TMEM86A: variants seen among roughly 807,000 people sequenced by gnomAD.
TMEM86A encodes transmembrane protein 86A.
TMEM86A carries 13 observed loss-of-function variants against 19.8 expected under a neutral mutation model. The observed-to-expected ratio is 0.66, with a 90% CI of 0.43 to 1.04. The LOEUF is 1.04. Among genes scored for constraint, TMEM86A ranks in the 50% least tolerant of loss-of-function variants. TMEM86A has a pLI of 0.00. For synonymous variants in TMEM86A, 128 were observed against 129.9 expected (o/e 0.99, Z 0.10); for missense variants, 248 against 306.8 (o/e 0.81, Z 1.43).
chr11:18,700,302 A>G (rs991780096), intron 1 of TMEM86A, among the ~76,000 whole-genome samples: 5 of 151,950 alleles, frequency 3.3e-5, no homozygotes, highest in South Asian at 2.1e-4. Context: ...TTGAAGGACA[A>G]TTTTCTTGCT....
rs1564862796 is a variant in TMEM86A, at chr11:18,699,266, G to C, written c.21+359G>C. Among the ~76,000 whole-genome samples, 1 of 152,240 alleles carries C rather than the reference G, an allele frequency of 6.6e-6. No individual in the cohort carries two copies. ...CCGCGTAGGCGGACCACAGGGAGGCGTGGGGGCGGGGGATGCTGGGAGGAT... is the reference window on the plus strand; with the variant it reads ...CCGCGTAGGCGGACCACAGGGAGGCCTGGGGGCGGGGGATGCTGGGAGGAT... On this transcript the variant is annotated intron_variant, in intron 1 of 2. Transcript: ENST00000280734. The surrounding 1 kb of genome is among the most constrained non-coding windows in gnomAD (Gnocchi z 4.0).
intron 1 of TMEM86A, chr11:18,700,678 A>C: frequency 5.4e-6 from 3 of 558,186 alleles, no homozygotes; most frequent in Non-Finnish European, 3.2e-6. Context: ...GGGGGCAGGA[A>C]GGGAGAAGCA....
chr11:18,701,451 A>T lies in TMEM86A; in HGVS notation c.287-122A>T. On this transcript the variant is annotated intron_variant, in intron 2 of 2. Transcript: ENST00000280734. This position sits in a 1 kb window ranked among gnomAD's most constrained non-coding sequence, Gnocchi z 5.3. ...AGATCTTCCTACCCCTGTTATCCCA[A>T]AGCAAAGCTGCTGGGTTATCCCAAA... 1 of 1,202,820 alleles carries T rather than the reference A, an allele frequency of 8.3e-7. No homozygotes were observed. Among genetic ancestry groups the T allele is most frequent in the South Asian group, 1.5e-5 (1 of 66,124 alleles). The allele number at this position is 1,202,820 out of a possible 1,614,324, so 74.5% of individuals were successfully genotyped here. A position where few individuals can be genotyped will look rare whatever the true frequency, so the allele number is the denominator to read the frequency against.
Position 18,698,875 on chromosome 11 carries a change from G to A in TMEM86A, c.-12G>A, listed in dbSNP as rs1466896719. 3.0e-6 allele frequency: 2 copies of A among 676,446 alleles called. No homozygotes were observed. Among genetic ancestry groups the A allele is most frequent in the Non-Finnish European group, 5.3e-6 (2 of 378,044 alleles). 41.9% of individuals were successfully genotyped at this position (676,446 alleles called of 1,614,324 possible). ...AGCCCGGAGCAGGGTGCCAGCCGCCGCCGCCGCCGCCATGGTGTCCCCGGT... is the reference window on the plus strand; with the variant it reads ...AGCCCGGAGCAGGGTGCCAGCCGCCACCGCCGCCGCCATGGTGTCCCCGGT... On this transcript the variant is annotated 5_prime_UTR_variant, in exon 1 of 3. Transcript: ENST00000280734.
Position 18,701,664 on chromosome 11 carries a change from G to A in TMEM86A, c.378G>A (p.Ala126=), listed in dbSNP as rs146633157. Residue 126 remains alanine (A), a synonymous_variant, in exon 3 of 3, where the codon GCG becomes GCA. Coordinates refer to ENST00000280734, the MANE Select transcript of TMEM86A (RefSeq NM_153347.3). This position sits in a 1 kb window ranked among gnomAD's most constrained non-coding sequence, Gnocchi z 5.3. ...LALRTGLVMA[A]LSGLCYALLY... ...TTCGGACAGGTCTGGTGATGGCAGC[G>A]CTGTCGGGCCTGTGCTATGCCCTCC... 1.4e-5 allele frequency: 23 copies of A among 1,611,166 alleles called. No homozygotes were observed. The highest frequency in any genetic ancestry group is 6.7e-5 in the East Asian group (3 of 44,794).
In TMEM86A at chr11:18,698,781, T is replaced by C; in HGVS notation, c.-106T>C. ...CCGGCGCCGGGCGCTCGGGAGGTATTGTCCGTCCCTCCGGGCTTTGTAGAA... is the reference window on the plus strand; with the variant it reads ...CCGGCGCCGGGCGCTCGGGAGGTATCGTCCGTCCCTCCGGGCTTTGTAGAA... On this transcript the variant is annotated 5_prime_UTR_variant, in exon 1 of 3. Coordinates refer to ENST00000280734, the MANE Select transcript of TMEM86A (RefSeq NM_153347.3). 3 of 632,482 alleles carry C rather than the reference T, an allele frequency of 4.7e-6. No individual in the cohort carries two copies. Among genetic ancestry groups the C allele is most frequent in the Non-Finnish European group, 5.7e-6 (2 of 352,726 alleles). 39.2% of individuals were successfully genotyped at this position (632,482 alleles called of 1,614,324 possible).
chr11:18,704,602 G>A lies in TMEM86A; in HGVS notation c.*2593G>A. ...CTGGCGACCAGGGAAATTCCAAACTGCTGGACTTCCTATGCAGGAAACCAG... is the reference window on the plus strand; with the variant it reads ...CTGGCGACCAGGGAAATTCCAAACTACTGGACTTCCTATGCAGGAAACCAG... On this transcript the variant is annotated 3_prime_UTR_variant, in exon 3 of 3. Transcript: ENST00000280734. 3 of 1,045,482 alleles carry A rather than the reference G, an allele frequency of 2.9e-6. No individual in the cohort carries two copies. The highest frequency in any genetic ancestry group is 4.3e-6 in the Non-Finnish European group (3 of 694,788). The allele number at this position is 1,045,482 out of a possible 1,614,324, so 64.8% of individuals were successfully genotyped here.
At chr11:18,700,528 C>A (rs117101196) in intron 1 of TMEM86A, 3 of 234,826 alleles carry the variant, frequency 1.3e-5, no homozygotes, top group African/African-American at 2.2e-5. Flanking sequence ...TGCACCCTGG[C>A]CCCATGCTGA....
Position 18,704,436 on chromosome 11 carries a change from A to G in TMEM86A, c.*2427A>G. ...ACAGGCCAAGAAACTCCACATCATA[A>G]CAGCCTCCTGATGCCTGGGCTTGGC... On this transcript the variant is annotated 3_prime_UTR_variant, in exon 3 of 3. Coordinates refer to ENST00000280734, the MANE Select transcript of TMEM86A (RefSeq NM_153347.3). 1 of 1,489,270 alleles carries G rather than the reference A, an allele frequency of 6.7e-7. No individual in the cohort carries two copies. The highest frequency in any genetic ancestry group is 1.2e-5 in the South Asian group (1 of 82,780). 92.3% of individuals were successfully genotyped at this position (1,489,270 alleles called of 1,614,324 possible).
rs1355680390 is a variant in TMEM86A at position 18,702,032 on chromosome 11, T to C, written c.*23T>C. ...TGAGGTGCCAGGGTCTGGTCACCCCTCTCTCCTCCTGGGGCTGGGGCCCAG... is the reference window on the plus strand; with the variant it reads ...TGAGGTGCCAGGGTCTGGTCACCCCCCTCTCCTCCTGGGGCTGGGGCCCAG... On this transcript the variant is annotated 3_prime_UTR_variant, in exon 3 of 3. Coordinates refer to ENST00000280734, the MANE Select transcript of TMEM86A (RefSeq NM_153347.3). 1.9e-6 allele frequency: 3 copies of C among 1,596,194 alleles called. No homozygotes were observed. In the South Asian group the frequency reaches 3.3e-5, roughly 18 times the overall value.
chr11:18,701,869 C>T lies in TMEM86A; in HGVS notation c.583C>T (p.Leu195Phe). ...FFIISDLTIA[L>F]NKFCFPVPYS... ...TATCATCTCAGACCTGACCATCGCC[C>T]TCAACAAATTCTGTTTTCCTGTGCC... Residue 195 changes from leucine (L) to phenylalanine (F), a missense_variant, in exon 3 of 3, where the codon CTC (leucine) becomes TTC (phenylalanine). Transcript: ENST00000280734. This position sits in a 1 kb window ranked among gnomAD's most constrained non-coding sequence, Gnocchi z 5.3. 1.2e-6 allele frequency: 2 copies of T among 1,614,168 alleles called. No homozygotes were observed. Among genetic ancestry groups the T allele is most frequent in the African/African-American group, 1.3e-5 (1 of 75,066 alleles).
At chr11:18,700,892 C>T in intron 1 of TMEM86A, 41 bp from the exon 2 acceptor site, 1 of 1,602,876 alleles carries the variant, frequency 6.2e-7, no homozygotes, top group Non-Finnish European at 8.5e-7. Flanking sequence ...TGGCTTTCAA[C>T]CCCCAAGTTC....
At chr11:18,698,975 C>G in intron 1 of TMEM86A, 68 bp downstream of exon 1, 1 of 457,474 alleles carries the variant, frequency 2.2e-6, no homozygotes, top group East Asian at 3.5e-5. Context: ...CACCGGACTT[C>G]GGCAGGCCGA....
In TMEM86A at chr11:18,701,441, T is replaced by C. The variant is rs1253673284; in HGVS notation, c.287-132T>C. 9.0e-7 allele frequency: 1 copy of C among 1,107,040 alleles called. No homozygotes were observed. Among genetic ancestry groups the C allele is most frequent in the South Asian group, 1.6e-5 (1 of 63,674 alleles). The allele number at this position is 1,107,040 out of a possible 1,614,324, so 68.6% of individuals were successfully genotyped here. Reference sequence around the variant, plus strand: ...CTTTAACTTTAGATCTTCCTACCCCTGTTATCCCAAAGCAAAGCTGCTGGG... The same window carrying C: ...CTTTAACTTTAGATCTTCCTACCCCCGTTATCCCAAAGCAAAGCTGCTGGG... On this transcript the variant is annotated intron_variant, in intron 2 of 2. Coordinates refer to ENST00000280734, the MANE Select transcript of TMEM86A (RefSeq NM_153347.3). The surrounding 1 kb of genome is among the most constrained non-coding windows in gnomAD (Gnocchi z 5.3).
At position 18,702,362 on chromosome 11, in the gene TMEM86A, A is replaced by C; in HGVS notation, c.*353A>C. On this transcript the variant is annotated 3_prime_UTR_variant, in exon 3 of 3. Transcript: ENST00000280734. ...CTACCAGGTGGAAGAGTCTGACTCCATGTGTTATGCCTAGGACCAATGGCA... is the reference window on the plus strand; with the variant it reads ...CTACCAGGTGGAAGAGTCTGACTCCCTGTGTTATGCCTAGGACCAATGGCA... The C allele has an allele frequency of 3.0e-6, 1 of 338,558 alleles. No individual in the cohort carries two copies. Among genetic ancestry groups the C allele is most frequent in the Non-Finnish European group, 5.7e-6 (1 of 176,446 alleles). 21.0% of individuals were successfully genotyped at this position (338,558 alleles called of 1,614,324 possible). A position where few individuals can be genotyped will look rare whatever the true frequency, so the allele number is the denominator to read the frequency against.
Position 18,704,337 on chromosome 11 carries a change from A to G in TMEM86A, c.*2328A>G, listed in dbSNP as rs1478789711. 5.9e-6 allele frequency: 4 copies of G among 677,252 alleles called. No homozygotes were observed. In the African/African-American group the frequency reaches 7.2e-5, roughly 12 times the overall value. 42.0% of individuals were successfully genotyped at this position (677,252 alleles called of 1,614,324 possible). A position where few individuals can be genotyped will look rare whatever the true frequency, so the allele number is the denominator to read the frequency against. On this transcript the variant is annotated 3_prime_UTR_variant, in exon 3 of 3. Coordinates refer to ENST00000280734, the MANE Select transcript of TMEM86A (RefSeq NM_153347.3). ...AAGGATGAGTTACGTTTATTGCCCC[A>G]TCCCTTCACTGAATGTTTACATTAA...
At position 18,701,894 on chromosome 11, in the gene TMEM86A, C is replaced by T. The variant is rs1564863781; in HGVS notation, c.608C>T (p.Pro203Leu). ...CTCAACAAATTCTGTTTTCCTGTGC[C>T]CTACTCTCGGGCGCTTATCATGTCC... is the stretch of plus-strand genomic sequence containing the variant. The part of the protein sequence containing the change: ...IALNKFCFPV[P>L]YSRALIMSTY... Residue 203 changes from proline (P) to leucine (L), a missense_variant, in exon 3 of 3, where the codon CCC becomes CTC. Pro to Leu is a moderately conservative substitution (Grantham distance 98). Coordinates refer to ENST00000280734, the MANE Select transcript of TMEM86A (RefSeq NM_153347.3). This position sits in a 1 kb window ranked among gnomAD's most constrained non-coding sequence, Gnocchi z 5.3. The T allele has an allele frequency of 4.3e-6, 7 of 1,614,180 alleles. No homozygotes were observed. Among genetic ancestry groups the T allele is most frequent in the Non-Finnish European group, 5.9e-6 (7 of 1,180,042 alleles).
In TMEM86A at chr11:18,701,305, G is replaced by A; in HGVS notation, c.286+108G>A. The A allele has an allele frequency of 6.9e-7, 1 of 1,439,986 alleles. No homozygotes were observed. The highest frequency in any genetic ancestry group is 1.3e-5 in the South Asian group (1 of 75,240). The allele number at this position is 1,439,986 out of a possible 1,614,324, so 89.2% of individuals were successfully genotyped here. A position where few individuals can be genotyped will look rare whatever the true frequency, so the allele number is the denominator to read the frequency against. ...AGGGAGTTCTTGAACCAGAGTGTGG[G>A]GAGCCTGAGGGTTTCTGAGGCCAGG... On this transcript the variant is annotated intron_variant, in intron 2 of 2. Coordinates refer to ENST00000280734, the MANE Select transcript of TMEM86A (RefSeq NM_153347.3). The surrounding 1 kb of genome is among the most constrained non-coding windows in gnomAD (Gnocchi z 5.3).
Position 18,701,207 on chromosome 11 carries a change from C to T in TMEM86A, c.286+10C>T. ...GGATACTTCGTGCATGGTCAGTGGC[C>T]ATAGTAGTTGCCTGGGAGGAGTCCT... On this transcript the variant is annotated intron_variant, in intron 2 of 2. Transcript: ENST00000280734. This position sits in a 1 kb window ranked among gnomAD's most constrained non-coding sequence, Gnocchi z 5.3. 1 of 1,611,350 alleles carries T rather than the reference C, an allele frequency of 6.2e-7. No individual in the cohort carries two copies. Among genetic ancestry groups the T allele is most frequent in the East Asian group, 2.2e-5 (1 of 44,822 alleles).
Sources: gnomAD v4.1 joint callset for allele counts (sites outside exome capture counted in the v4.1 genomes callset) on GRCh38, gnomAD v4.1.1 for gene constraint, Gnocchi (gnomAD v3.1) non-coding constraint, MANE v1.5 for transcripts, NCBI Gene and HGNC (gene_info 2026-07-23, HGNC 2026-07-21) for gene names.